TBCEL: variants seen among roughly 807,000 people sequenced by gnomAD.
TBCEL encodes the protein tubulin-specific chaperone cofactor E-like protein.
A neutral mutation model predicts 44.2 loss-of-function variants in TBCEL; 15 were observed. That is an observed-to-expected ratio of 0.34 (90% CI 0.23 to 0.52). The LOEUF is 0.52. Ranked by LOEUF, TBCEL falls within the 20% of genes least tolerant of loss-of-function variation. TBCEL has a pLI of 0.95. For synonymous variants in TBCEL, 171 were observed against 185.4 expected (o/e 0.92, Z 0.63); for missense variants, 319 against 506.3 (o/e 0.63, Z 3.55).
chr11:121,041,847 A>G (rs1945339456), intron 2 of TBCEL, among the ~76,000 whole-genome samples: 1 of 151,832 alleles, frequency 6.6e-6, no homozygotes, highest in Non-Finnish European at 1.5e-5. Flanking sequence ...GCATTCCTGG[A>G]AAGCTAATCC....
At chr11:121,060,944 ATG>A (rs1422397549) in intron 8 of TBCEL, among the ~76,000 whole-genome samples, 1 of 151,958 alleles carries the variant, frequency 6.6e-6, no homozygotes, top group Non-Finnish European at 1.5e-5. Context: ...TTCTTATTGA[ATG>A]TGTCTATTTT....
intron 1 of TBCEL, among the ~76,000 whole-genome samples, chr11:121,034,556 A>G (rs1945198256): frequency 6.6e-6 from 1 of 152,202 alleles, no homozygotes; most frequent in African/African-American, 2.4e-5. Flanking sequence ...TTTGGTATGC[A>G]CAATCAGAAG....
At chr11:121,053,492 G>T in intron 4 of TBCEL, 59 bp from the exon 5 acceptor site, 1 of 1,523,806 alleles carries the variant, frequency 6.6e-7, no homozygotes, top group Non-Finnish European at 9.0e-7. Context: ...TCTTGAGCAT[G>T]ATTGCTATTT....
intron 1 of TBCEL, among the ~76,000 whole-genome samples, chr11:121,025,927 C>T (rs541398292): frequency 2.0e-5 from 3 of 152,104 alleles, no homozygotes; most frequent in South Asian, 4.2e-4. Flanking sequence ...TTTCCTTTAT[C>T]CTTTGCTGTG....
chr11:121,081,456 T>A (rs1946124174), intron 8 of TBCEL, among the ~76,000 whole-genome samples: 1 of 152,360 alleles, frequency 6.6e-6, no homozygotes, highest in East Asian at 1.9e-4. Context: ...TACTTGTTAA[T>A]GGTCAGATGA....
rs374983544 is a variant in TBCEL at position 121,045,644 on chromosome 11, A to G, written c.-17-30A>G. On this transcript the variant is annotated intron_variant, in intron 2 of 8. Transcript: ENST00000683345. Reference sequence around the variant, plus strand: ...CTTATGTGAGTAAATACATAATTACATAATTTGATTATTTCTTGGTTTCTT... The same window carrying G: ...CTTATGTGAGTAAATACATAATTACGTAATTTGATTATTTCTTGGTTTCTT... The G allele has an allele frequency of 9.3e-5, 142 of 1,521,622 alleles. 4 individuals are homozygous for G. In the South Asian group the frequency reaches 1.6e-3, roughly 18 times the overall value. The allele number at this position is 1,521,622 out of a possible 1,614,324, so 94.3% of individuals were successfully genotyped here.
chr11:121,048,276 A>G (rs889497243), intron 4 of TBCEL, among the ~76,000 whole-genome samples: 2 of 151,906 alleles, frequency 1.3e-5, no homozygotes, highest in Non-Finnish European at 2.9e-5. Flanking sequence ...AATTTATTCA[A>G]ATATTTTACA....
intron 1 of TBCEL, among the ~76,000 whole-genome samples, chr11:121,026,266 T>C (rs186151890): frequency 1.1e-4 from 16 of 152,306 alleles, no homozygotes; most frequent in Admixed American, 9.1e-4. Context: ...CTTACAAAAA[T>C]TTTAGGTGGG....
At chr11:121,081,977 A>T (rs1191356884) in intron 8 of TBCEL, among the ~76,000 whole-genome samples, 1 of 152,220 alleles carries the variant, frequency 6.6e-6, no homozygotes, top group Admixed American at 6.5e-5. Flanking sequence ...ATAAATAAAC[A>T]TTGATTTTAA....
intron 4 of TBCEL, among the ~76,000 whole-genome samples, chr11:121,053,333 A>G (rs1023227560): frequency 2.0e-5 from 3 of 151,926 alleles, no homozygotes; most frequent in African/African-American, 7.2e-5. Flanking sequence ...GTTATGTACC[A>G]GTCAGTTATG....
intron 2 of TBCEL, among the ~76,000 whole-genome samples, chr11:121,037,281 A>C (rs1945248346): frequency 6.6e-6 from 1 of 152,352 alleles, no homozygotes; most frequent in Admixed American, 6.5e-5. Context: ...GCTAAGAGTT[A>C]AGTTAGTGAA....
intron 8 of TBCEL, among the ~76,000 whole-genome samples, chr11:121,062,458 G>A (rs1417128062): frequency 6.6e-6 from 1 of 152,058 alleles, no homozygotes; most frequent in African/African-American, 2.4e-5. Context: ...TTATACCAGC[G>A]TCACTCAAGT....
intron 8 of TBCEL, among the ~76,000 whole-genome samples, chr11:121,067,787 CAGG>C (rs1433931143): frequency 6.6e-6 from 1 of 152,140 alleles, no homozygotes; most frequent in African/African-American, 2.4e-5. Flanking sequence ...CAGGCCTTAC[CAGG>C]AGAACTTCTA....
chr11:121,060,219 AAG>A, intron 8 of TBCEL, 134 bp downstream of exon 8: 1 of 630,514 alleles, frequency 1.6e-6, no homozygotes, highest in East Asian at 2.7e-5. Flanking sequence ...AAAAAAAAGG[AAG>A]AAACACAAGA....
intron 4 of TBCEL, 74 bp downstream of exon 4, chr11:121,047,741 G>A: frequency 6.5e-7 from 1 of 1,546,962 alleles, no homozygotes; most frequent in Non-Finnish European, 8.8e-7. Flanking sequence ...GTTATTATAT[G>A]TTCTGCTAAA....
intron 1 of TBCEL, among the ~76,000 whole-genome samples, chr11:121,029,763 T>G (rs1399988832): frequency 7.0e-6 from 1 of 142,574 alleles, no homozygotes; most frequent in Non-Finnish European, 1.5e-5. Context: ...TTCCGGTGAT[T>G]TTCAAAATTT....
intron 1 of TBCEL, among the ~76,000 whole-genome samples, chr11:121,034,424 G>T (rs1039847716): frequency 6.6e-6 from 1 of 152,070 alleles, no homozygotes; most frequent in African/African-American, 2.4e-5. Flanking sequence ...ACCTCTTTTG[G>T]AATCTCCGTG....
intron 6 of TBCEL, among the ~76,000 whole-genome samples, chr11:121,055,714 T>G (rs191358736): frequency 1.3e-5 from 2 of 152,030 alleles, no homozygotes; most frequent in African/African-American, 4.8e-5. Flanking sequence ...TGTAATTGAT[T>G]GTCAGTTTAT....
intron 8 of TBCEL, among the ~76,000 whole-genome samples, chr11:121,069,778 C>G (rs1372495001): frequency 6.6e-6 from 1 of 151,408 alleles, no homozygotes; most frequent in African/African-American, 2.4e-5. Flanking sequence ...GGCGACAAAG[C>G]TAGACTGTCT....
Sources: gnomAD v4.1 joint callset for allele counts (sites outside exome capture counted in the v4.1 genomes callset) on GRCh38, gnomAD v4.1.1 for gene constraint, MANE v1.5 for transcripts, NCBI Gene and HGNC (gene_info 2026-07-23, HGNC 2026-07-21) for gene names.